The following GVQW3 variants were observed in gnomAD, a reference collection of about 807,000 sequenced individuals.
The protein encoded by GVQW3 is GVQW motif containing 3, also known as protein GVQW3.
In GVQW3, 7 loss-of-function variants were observed where a neutral mutation model predicts 12.5. The ratio of observed to expected loss-of-function variants is 0.56; its 90% CI spans 0.32 to 1.05. The LOEUF is 1.05. GVQW3 is among the 50% of genes least tolerant of loss of function. The pLI is 0.04. For synonymous variants in GVQW3, 71 were observed against 67.2 expected, an observed-to-expected ratio of 1.06 and a Z score of -0.28; for missense variants, 188 against 190.8, an observed-to-expected ratio of 0.99 and a Z score of 0.09.
At chr11:76,411,640 G>A (rs1377590117), downstream of GVQW3, 1 of 152,216 alleles carries the variant, frequency 6.6e-6, no homozygotes, top group African/African-American at 2.4e-5. Context: ...CCTTTATCAA[G>A]GGGAAGGGTT....
At chr11:76,395,596 A>G (rs2134551987) in intron 1 of GVQW3, among the ~76,000 whole-genome samples, 1 of 152,196 alleles carries the variant, frequency 6.6e-6, no homozygotes, top group South Asian at 2.1e-4. Context: ...CCATTTCTCT[A>G]TTCTCGATTT....
chr11:76,400,720 C>G (rs1946982013), intron 1 of GVQW3, among the ~76,000 whole-genome samples: 1 of 151,498 alleles, frequency 6.6e-6, no homozygotes, highest in East Asian at 2.0e-4. Context: ...GCACCCGGCC[C>G]CTCTGTTAAA....
In GVQW3 at chr11:76,407,317, C is replaced by G. The variant is rs117595940; in HGVS notation, c.*3559C>G. Reference sequence around the variant, plus strand: ...AAACCACACCGGTCACAGTGGTTCACGCCTGTAATCCCAATACTTTGGGAG... The same window carrying G: ...AAACCACACCGGTCACAGTGGTTCAGGCCTGTAATCCCAATACTTTGGGAG... On this transcript the variant is annotated 3_prime_UTR_variant, in exon 2 of 2. Coordinates refer to ENST00000529331, the MANE Select transcript of GVQW3 (RefSeq NM_001347885.2). The G allele has an allele frequency of 6.6e-6, 1 of 152,002 alleles. No individual in the cohort carries two copies. Among genetic ancestry groups the G allele is most frequent in the East Asian group, 1.9e-4 (1 of 5,182 alleles). 9.4% of individuals were successfully genotyped at this position (152,002 alleles called of 1,614,324 possible).
rs181174038 is a variant in GVQW3 at position 76,397,492 on chromosome 11, G to A, written c.466-6168G>A. Among the ~76,000 whole-genome samples the A allele has an allele frequency of 1.5e-3, 232 of 152,262 alleles. 2 individuals are homozygous for A. Among genetic ancestry groups the A allele is most frequent in the African/African-American group, 4.5e-3 (187 of 41,528 alleles). On this transcript the variant is annotated intron_variant, in intron 1 of 1. Transcript: ENST00000529331. ...TTCCCTTAGGTATACACCTAGGAGC[G>A]GTATTCATAAGTAATTCATTATTTC... is the stretch of plus-strand genomic sequence containing the variant.
At chr11:76,396,728 C>T (rs908336963) in intron 1 of GVQW3, among the ~76,000 whole-genome samples, 1 of 152,110 alleles carries the variant, frequency 6.6e-6, no homozygotes, top group African/African-American at 2.4e-5. Flanking sequence ...CCAATAAAAT[C>T]GTTAGTATAT....
At chr11:76,400,843 A>T (rs1224247553) in intron 1 of GVQW3, among the ~76,000 whole-genome samples, 1 of 152,090 alleles carries the variant, frequency 6.6e-6, no homozygotes, top group Non-Finnish European at 1.5e-5. Flanking sequence ...CATTTGGGGC[A>T]TGTCCTCAAA....
At chr11:76,400,006 TAC>T (rs60192043) in intron 1 of GVQW3, among the ~76,000 whole-genome samples, 23,356 of 140,242 alleles carry the variant, frequency 0.17, 1,875 homozygotes, top group Middle Eastern at 0.22. Context: ...TCTCTCTGTA[TAC>T]ACACACACAC....
chr11:76,396,911 A>G (rs530264444), intron 1 of GVQW3, among the ~76,000 whole-genome samples: 1 of 152,116 alleles, frequency 6.6e-6, no homozygotes, highest in South Asian at 2.1e-4. Context: ...AAATGGAATC[A>G]TAATATGTAG....
At chr11:76,397,595 T>C (rs1434056971) in intron 1 of GVQW3, among the ~76,000 whole-genome samples, 2 of 152,196 alleles carry the variant, frequency 1.3e-5, no homozygotes, top group African/African-American at 4.8e-5. Context: ...ATTTGTAACA[T>C]TTGTTAATTT....
chr11:76,384,613 A>G (rs973696392), intron 1 of GVQW3, among the ~76,000 whole-genome samples: 4 of 152,210 alleles, frequency 2.6e-5, no homozygotes. Context: ...GTGAGCCACC[A>G]CGCCGGGTCA....
intron 1 of GVQW3, among the ~76,000 whole-genome samples, chr11:76,385,785 G>T (rs931273085): frequency 5.3e-5 from 8 of 152,122 alleles, no homozygotes; most frequent in Non-Finnish European, 1.0e-4. Context: ...TGTTGATTTT[G>T]TTTTTTCTAA....
At chr11:76,383,125 G>A (rs1946795722) in intron 1 of GVQW3, 1 of 152,402 alleles carries the variant, frequency 6.6e-6, no homozygotes, top group Non-Finnish European at 1.5e-5. Flanking sequence ...TGTTGGAAGA[G>A]GAGGATCTGG....
intron 1 of GVQW3, among the ~76,000 whole-genome samples, chr11:76,387,504 A>G (rs1023717100): frequency 6.6e-6 from 1 of 152,346 alleles, no homozygotes; most frequent in East Asian, 1.9e-4. Context: ...CCCATCGGCT[A>G]TAGTTTGATA....
At chr11:76,397,089 C>T (rs1946946552) in intron 1 of GVQW3, among the ~76,000 whole-genome samples, 1 of 150,806 alleles carries the variant, frequency 6.6e-6, no homozygotes, top group South Asian at 2.1e-4. Flanking sequence ...CCACAACCTC[C>T]ACCTCCAGGG....
rs1309751835 is a variant in GVQW3, at chr11:76,384,614, C to T, written c.465+2321C>T. On this transcript the variant is annotated intron_variant, in intron 1 of 1. Transcript: ENST00000529331. ...CTGGGATTACAGGCGTGAGCCACCA[C>T]GCCGGGTCAACACCTGTTAGTTTTG... 7.9e-5 allele frequency among the ~76,000 whole-genome samples: 12 copies of T among 152,334 alleles called. No homozygotes were observed. The South Asian group carries it at 1.4e-3, about 18-fold the overall frequency.
chr11:76,395,358 G>T (rs567825261), intron 1 of GVQW3, among the ~76,000 whole-genome samples: 1 of 152,168 alleles, frequency 6.6e-6, no homozygotes, highest in African/African-American at 2.4e-5. Flanking sequence ...GGATATGTTT[G>T]GACTCATGTA....
chr11:76,394,176 G>A (rs116723070), intron 1 of GVQW3, among the ~76,000 whole-genome samples: 1,633 of 152,290 alleles, frequency 0.011, 28 homozygotes, highest in African/African-American at 0.038. Flanking sequence ...GATTATAGGC[G>A]TGAGCCACCA....
At chr11:76,412,095 T>C (rs1478155679), downstream of GVQW3, 6 of 152,192 alleles carry the variant, frequency 3.9e-5, no homozygotes, top group Admixed American at 3.9e-4. Flanking sequence ...ACTCAACCGT[T>C]GTAAATTAAT....
intron 1 of GVQW3, 94 bp downstream of exon 1, chr11:76,382,387 A>G: frequency 1.2e-6 from 1 of 827,220 alleles, no homozygotes; most frequent in Non-Finnish European, 2.0e-6. Context: ...CTACTCTGCC[A>G]GTCAGCTTCT....
Sources: allele counts gnomAD v4.1 joint callset (sites outside exome capture counted in the v4.1 genomes callset), GRCh38; gene constraint gnomAD v4.1.1; transcripts MANE v1.5; gene names NCBI Gene and HGNC (gene_info 2026-07-23, HGNC 2026-07-21).